Variants in CWC22 observed in about 807,000 individuals in gnomAD.
The protein encoded by CWC22 is pre-mRNA-splicing factor CWC22 homolog.
CWC22 carries 53 observed loss-of-function variants against 117.2 expected under a neutral mutation model. The observed-to-expected ratio is 0.45, with a 90% CI of 0.36 to 0.57. The LOEUF is 0.57. Ranked by LOEUF, CWC22 falls within the 20% of genes least tolerant of loss-of-function variation. The pLI is 0.00. For missense variants in CWC22, 980 were observed against 1,068.8 expected, an observed-to-expected ratio of 0.92 and a Z score of 1.16; for synonymous variants, 360 against 355.6, an observed-to-expected ratio of 1.01 and a Z score of -0.14.
intron 3 of CWC22, among the ~76,000 whole-genome samples, chr2:179,987,492 TTTTG>T (rs1260360963): frequency 6.6e-6 from 1 of 152,096 alleles, no homozygotes; most frequent in Non-Finnish European, 1.5e-5. Context: ...GTAAAGAGTT[TTTTG>T]TTTGTTTTTT....
chr2:179,998,637 A>C (rs900329455), intron 1 of CWC22, among the ~76,000 whole-genome samples: 7 of 152,178 alleles, frequency 4.6e-5, no homozygotes, highest in Non-Finnish European at 7.4e-5. Context: ...AAATTATCCT[A>C]GCCTAAACTG....
At chr2:179,970,146 A>G (rs1010912852) in intron 11 of CWC22, among the ~76,000 whole-genome samples, 2 of 152,164 alleles carry the variant, frequency 1.3e-5, no homozygotes, top group African/African-American at 2.4e-5. Context: ...CTTTACAATA[A>G]AGTATACCAC....
chr2:180,006,346 A>C (rs1473085154), intron 1 of CWC22, among the ~76,000 whole-genome samples: 2 of 152,200 alleles, frequency 1.3e-5, no homozygotes, highest in Non-Finnish European at 2.9e-5. Context: ...TTTCCGTTAT[A>C]TAATGCTGTG....
In CWC22 at chr2:179,970,811, T is replaced by C. The variant is rs1358596047; in HGVS notation, c.986A>G (p.Asp329Gly). The C allele has an allele frequency of 1.9e-6, 3 of 1,613,660 alleles. No homozygotes were observed. The highest frequency in any genetic ancestry group is 2.5e-6 in the Non-Finnish European group (3 of 1,179,760). The change falls in exon 10 of 20, where the codon GAC becomes GGC. Residue 329 changes from aspartate (D) to glycine (G), a missense_variant. This residue lies in a region of CWC22 where 559 missense variants were observed against 602.3 expected (regional missense o/e 0.93). Transcript: ENST00000410053. ...TTCAATCATATATTGAACTCTTTTG[T>C]CAATTTCAGACTCATGCAGAATGTT... is the stretch of plus-strand genomic sequence containing the variant. ...LRNILHESEIDKRVQYMIEVM... is the reference protein window; with the variant it reads ...LRNILHESEIGKRVQYMIEVM...
chr2:179,998,576 C>T (rs1575660154), intron 1 of CWC22, among the ~76,000 whole-genome samples: 1 of 151,978 alleles, frequency 6.6e-6, no homozygotes, highest in East Asian at 1.9e-4. Context: ...CGAATTGAAG[C>T]CAAAATGGTA....
chr2:179,948,939 G>A (rs1386323303), intron 19 of CWC22, among the ~76,000 whole-genome samples: 2 of 152,228 alleles, frequency 1.3e-5, no homozygotes, highest in African/African-American at 4.8e-5. Flanking sequence ...CCAGTGTTAT[G>A]TAAGATGCTA....
At chr2:179,963,335 CTTTTTTT>C (rs774947016) in intron 13 of CWC22, among the ~76,000 whole-genome samples, 13 of 82,058 alleles carry the variant, frequency 1.6e-4, no homozygotes, top group African/African-American at 6.3e-4. Context: ...ATATTTAATA[CTTTTTTT>C]TTTTTTTTTT....
chr2:179,951,555 A>G (rs1686448701), intron 17 of CWC22, among the ~76,000 whole-genome samples: 2 of 152,134 alleles, frequency 1.3e-5, no homozygotes, highest in Admixed American at 6.6e-5. Flanking sequence ...AAGAATGATT[A>G]AGAGTTTCCC....
At chr2:179,952,716 CAG>C (rs1226148269) in intron 16 of CWC22, 118 bp from the exon 17 acceptor site, 1 of 497,570 alleles carries the variant, frequency 2.0e-6, no homozygotes, top group Admixed American at 4.1e-5. Flanking sequence ...CATCTTCAAC[CAG>C]AGTTATCTCT....
chr2:179,959,416 A>G (rs1178542790), intron 13 of CWC22, among the ~76,000 whole-genome samples: 1 of 152,194 alleles, frequency 6.6e-6, no homozygotes, highest in Admixed American at 6.5e-5. Flanking sequence ...TAATAGGCTC[A>G]GGGTTTAGTT....
Position 179,970,647 on chromosome 2 carries a change from T to C in CWC22, c.1147+3A>G. The C allele has an allele frequency of 6.2e-7, 1 of 1,611,950 alleles. No individual in the cohort carries two copies. Among genetic ancestry groups the C allele is most frequent in the Non-Finnish European group, 8.5e-7 (1 of 1,178,708 alleles). ...CTTTCCAACTAACATGCCCCGGACTTACTAAGAACATCTTCTGGATTATAG... is the reference window on the plus strand; with the variant it reads ...CTTTCCAACTAACATGCCCCGGACTCACTAAGAACATCTTCTGGATTATAG... On this transcript the variant is annotated splice_donor_region_variant and intron_variant, in intron 10 of 19. Coordinates refer to ENST00000410053, the MANE Select transcript of CWC22 (RefSeq NM_020943.3).
chr2:179,963,088 A>G (rs1221092560), intron 13 of CWC22, among the ~76,000 whole-genome samples: 1 of 152,050 alleles, frequency 6.6e-6, no homozygotes, highest in Non-Finnish European at 1.5e-5. Flanking sequence ...TAATTTTTCA[A>G]GTCCTTTGTG....
At chr2:179,992,495 C>T (rs1687591931) in intron 2 of CWC22, among the ~76,000 whole-genome samples, 1 of 152,150 alleles carries the variant, frequency 6.6e-6, no homozygotes, top group South Asian at 2.1e-4. Flanking sequence ...GGGCCCTACT[C>T]ATCCCTCTAT....
At chr2:179,996,150 A>G (rs1307860103) in intron 1 of CWC22, among the ~76,000 whole-genome samples, 2 of 152,232 alleles carry the variant, frequency 1.3e-5, no homozygotes, top group African/African-American at 2.4e-5. Context: ...CAAAATCTCT[A>G]TAACATAAAA....
Position 179,954,144 on chromosome 2 carries a change from G to A in CWC22, c.1689+61C>T, listed in dbSNP as rs547941865. The A allele has an allele frequency of 1.0e-4, 136 of 1,332,484 alleles. 1 individual carries two copies. In the African/African-American group the frequency reaches 1.8e-3, roughly 18 times the overall value. 82.5% of individuals were successfully genotyped at this position (1,332,484 alleles called of 1,614,324 possible). On this transcript the variant is annotated intron_variant, in intron 16 of 19. Transcript: ENST00000410053. ...TAGGATAAATATGGCTAGCTTATAC[G>A]AAAATCTATTTGAGAACAGGGAATT... is the stretch of plus-strand genomic sequence containing the variant.
intron 1 of CWC22, among the ~76,000 whole-genome samples, chr2:180,004,124 T>G (rs1687912640): frequency 6.6e-6 from 1 of 152,190 alleles, no homozygotes; most frequent in Admixed American, 6.5e-5. Flanking sequence ...GATGCATGAA[T>G]GTATTACCAA....
chr2:179,955,461 T>C (rs547085838), intron 14 of CWC22, among the ~76,000 whole-genome samples: 1 of 152,126 alleles, frequency 6.6e-6, no homozygotes, highest in African/African-American at 2.4e-5. Context: ...CTAAGGAATA[T>C]ATTTAGCATG....
chr2:179,952,382 T>G, intron 17 of CWC22, 89 bp downstream of exon 17: 1 of 915,174 alleles, frequency 1.1e-6, no homozygotes, highest in Non-Finnish European at 1.5e-6. Context: ...TTAGCTCTTG[T>G]TTTTACAGTC....
At chr2:179,965,787 C>A (rs780826898) in intron 12 of CWC22, 91 bp downstream of exon 12, 1 of 1,132,436 alleles carries the variant, frequency 8.8e-7, no homozygotes, top group Non-Finnish European at 1.2e-6. Context: ...CCTTGCTCTC[C>A]CCAAAGATTG....
Sources: allele counts gnomAD v4.1 joint callset (sites outside exome capture counted in the v4.1 genomes callset), GRCh38; gene constraint gnomAD v4.1.1; regional missense constraint gnomAD v4.1.1; transcripts MANE v1.5; gene names NCBI Gene and HGNC (gene_info 2026-07-23, HGNC 2026-07-21).